FBXO38: variants seen among roughly 807,000 people sequenced by gnomAD.
The protein encoded by FBXO38 is F-box protein 38.
A neutral mutation model predicts 131.9 loss-of-function variants in FBXO38; 53 were observed. That is an observed-to-expected ratio of 0.40 (90% CI 0.32 to 0.51). The LOEUF (loss-of-function observed/expected upper bound fraction) is 0.51, where lower values mean the gene tolerates loss of function less well. FBXO38 is among the 20% of genes least tolerant of loss of function. The probability of loss-of-function intolerance (pLI) is 0.53; values close to 1 mark genes in which losing one functional copy is unlikely to be tolerated. For missense variants in FBXO38, 1,076 were observed against 1,475.6 expected (o/e 0.73, Z 4.44); for synonymous variants, 452 against 505.6 (o/e 0.89, Z 1.42).
At chr5:148,423,975 C>T (rs576874846) in intron 12 of FBXO38, 23 bp from the exon 13 acceptor site, 2 of 1,601,814 alleles carry the variant, frequency 1.2e-6, no homozygotes, top group East Asian at 2.2e-5. Flanking sequence ...TTGGTTTTTA[C>T]TTTGTGTATA....
In FBXO38 at chr5:148,440,499, C is replaced by T. The variant is rs959005458; in HGVS notation, c.3246C>T (p.Pro1082=). 13 of 1,607,704 alleles carry T rather than the reference C, an allele frequency of 8.1e-6. No homozygotes were observed. The highest frequency in any genetic ancestry group is 1.3e-5 in the African/African-American group (1 of 74,748). Reference sequence around the variant, plus strand: ...ACTTAAAGAAATACCCCAAGTACCCCTGGGGGAGAGAAATCTATACTTTAG... The same window carrying T: ...ACTTAAAGAAATACCCCAAGTACCCTTGGGGGAGAGAAATCTATACTTTAG... ...EEDLKKYPKY[P]WGREIYTLEG... Residue 1082 remains proline (P), a synonymous_variant, in exon 20 of 22, where the codon CCC becomes CCT. Transcript: ENST00000340253.
chr5:148,402,887 A>G (rs1471941680), intron 5 of FBXO38, among the ~76,000 whole-genome samples: 1 of 151,848 alleles, frequency 6.6e-6, no homozygotes. Context: ...TATTCTGTAT[A>G]TATACACACA....
intron 1 of FBXO38, among the ~76,000 whole-genome samples, chr5:148,393,625 C>G (rs1043183771): frequency 6.6e-6 from 1 of 152,046 alleles, no homozygotes; most frequent in Non-Finnish European, 1.5e-5. Flanking sequence ...AGCTCATTTG[C>G]GTGGTTATTT....
chr5:148,410,829 C>G (rs1179100555), intron 9 of FBXO38, 64 bp downstream of exon 9: 3 of 1,483,236 alleles, frequency 2.0e-6, no homozygotes, highest in African/African-American at 1.4e-5. Context: ...AAACTGAAAT[C>G]TGAATTGGGT....
chr5:148,417,467 T>C (rs1423570429), intron 12 of FBXO38, among the ~76,000 whole-genome samples: 1 of 152,164 alleles, frequency 6.6e-6, no homozygotes, highest in East Asian at 1.9e-4. Context: ...GGTAGAGTGG[T>C]AACTCTTGAG....
chr5:148,429,461 T>C (rs1029510540), intron 15 of FBXO38, among the ~76,000 whole-genome samples: 1 of 152,200 alleles, frequency 6.6e-6, no homozygotes, highest in African/African-American at 2.4e-5. Context: ...TAGGTTGATC[T>C]CTGGTCATTC....
chr5:148,409,060 T>G (rs1752594639), intron 7 of FBXO38, 64 bp from the exon 8 acceptor site: 1 of 848,046 alleles, frequency 1.2e-6, no homozygotes, highest in Non-Finnish European at 2.1e-6. Flanking sequence ...TTATAATGTA[T>G]AGTATATAAA....
chr5:148,441,274 T>C, intron 21 of FBXO38, 37 bp downstream of exon 21: 5 of 1,423,604 alleles, frequency 3.5e-6, no homozygotes, highest in Non-Finnish European at 5.0e-6. Flanking sequence ...TTCTCTAGTT[T>C]AAGTATAGCC....
At chr5:148,401,894 T>C in intron 3 of FBXO38, 88 bp from the exon 4 acceptor site, 1 of 1,325,848 alleles carries the variant, frequency 7.5e-7, no homozygotes, top group East Asian at 2.3e-5. Context: ...GGAAGTCTTT[T>C]TTAACTTTTG....
intron 9 of FBXO38, among the ~76,000 whole-genome samples, chr5:148,411,092 G>A (rs1307905884): frequency 1.3e-5 from 2 of 151,872 alleles, no homozygotes; most frequent in Non-Finnish European, 2.9e-5. Context: ...TGTCATCCTT[G>A]GTTCCATTGT....
At chr5:148,411,947 A>AT (rs1752784181) in intron 9 of FBXO38, among the ~76,000 whole-genome samples, 1 of 152,040 alleles carries the variant, frequency 6.6e-6, no homozygotes, top group Admixed American at 6.6e-5. Context: ...TTTGTTTTCT[A>AT]TTTTTCCCAA....
Position 148,425,735 on chromosome 5 carries a change from G to A in FBXO38, c.1918+34G>A, listed in dbSNP as rs373199925. On this transcript the variant is annotated intron_variant, in intron 14 of 21. Coordinates refer to ENST00000340253, the MANE Select transcript of FBXO38 (RefSeq NM_205836.3). ...TTGTCTTTCTCTGAACTATTAATGAGAGTCACTATCAGAACTGACACACTT... is the reference window on the plus strand; with the variant it reads ...TTGTCTTTCTCTGAACTATTAATGAAAGTCACTATCAGAACTGACACACTT... 643 of 1,584,190 alleles carry A rather than the reference G, an allele frequency of 4.1e-4. 2 individuals are homozygous for A. Among genetic ancestry groups the A allele is most frequent in the Non-Finnish European group, 5.3e-4 (617 of 1,156,960 alleles).
At chr5:148,419,073 T>A (rs1753244543) in intron 12 of FBXO38, among the ~76,000 whole-genome samples, 1 of 152,210 alleles carries the variant, frequency 6.6e-6, no homozygotes, top group East Asian at 1.9e-4. Context: ...AGCAGTTACC[T>A]AGGACTGTTG....
Position 148,427,361 on chromosome 5 carries a change from G to A in FBXO38, c.2067G>A (p.Arg689=), listed in dbSNP as rs1332225407. 3 of 1,614,104 alleles carry A rather than the reference G, an allele frequency of 1.9e-6. No individual in the cohort carries two copies. The highest frequency in any genetic ancestry group is 2.2e-5 in the South Asian group (2 of 91,080). Reference sequence around the variant, plus strand: ...TCAAAGCCGATATGAAAGCAGCTAGGGATATTCCTGAAAAGAAAAAAAACA... The same window carrying A: ...TCAAAGCCGATATGAAAGCAGCTAGAGATATTCCTGAAAAGAAAAAAAACA... ...EQIKADMKAA[R]DIPEKKKNKD... Residue 689 remains arginine, a synonymous_variant, in exon 15 of 22, where the codon AGG becomes AGA. Transcript: ENST00000340253.
chr5:148,435,567 C>G (rs982333225), intron 17 of FBXO38, among the ~76,000 whole-genome samples: 1 of 152,154 alleles, frequency 6.6e-6, no homozygotes, highest in Admixed American at 6.5e-5. Context: ...GTCAGGAGAT[C>G]AAGACCATCC....
At chr5:148,418,056 A>G (rs373226318) in intron 12 of FBXO38, among the ~76,000 whole-genome samples, 64 of 152,188 alleles carry the variant, frequency 4.2e-4, no homozygotes, top group African/African-American at 1.2e-3. Flanking sequence ...TCTGTAGGCA[A>G]TGTCTTCACT....
intron 6 of FBXO38, 65 bp from the exon 7 acceptor site, chr5:148,406,192 A>C: frequency 7.1e-7 from 1 of 1,413,492 alleles, no homozygotes; most frequent in Non-Finnish European, 9.5e-7. Context: ...CATGTCTTTC[A>C]CTGATTTGAA....
chr5:148,437,983 A>T (rs939424155), intron 17 of FBXO38, among the ~76,000 whole-genome samples: 8 of 152,182 alleles, frequency 5.3e-5, no homozygotes, highest in Non-Finnish European at 8.8e-5. Flanking sequence ...GTAAGGTAAC[A>T]TAGGTGAATT....
chr5:148,396,767 G>T (rs1470025254), intron 2 of FBXO38, among the ~76,000 whole-genome samples: 3 of 152,082 alleles, frequency 2.0e-5, no homozygotes, highest in Middle Eastern at 3.2e-3. Context: ...CACTGCGCTT[G>T]GCTAATTTTT....
Sources: allele counts gnomAD v4.1 joint callset (sites outside exome capture counted in the v4.1 genomes callset), GRCh38; gene constraint gnomAD v4.1.1; transcripts MANE v1.5; gene names NCBI Gene and HGNC (gene_info 2026-07-23, HGNC 2026-07-21).